Variants in PRKD1 observed in about 807,000 individuals in gnomAD.
The protein encoded by PRKD1 is protein kinase D1.
PRKD1 carries 63 observed loss-of-function variants against 95.9 expected under a neutral mutation model. The observed-to-expected ratio is 0.66, with a 90% CI of 0.54 to 0.81. The LOEUF (loss-of-function observed/expected upper bound fraction) is 0.81, where lower values mean the gene tolerates loss of function less well. Among genes scored for constraint, PRKD1 ranks in the 30% least tolerant of loss-of-function variants. The pLI is 0.00. For synonymous variants in PRKD1, 425 were observed against 423.1 expected (o/e 1.00, Z -0.05); for missense variants, 1,048 against 1,165.3 (o/e 0.90, Z 1.47).
At chr14:29,589,941 T>G (rs575245331) in intron 16 of PRKD1, among the ~76,000 whole-genome samples, 27 of 152,170 alleles carry the variant, frequency 1.8e-4, no homozygotes, top group Non-Finnish European at 2.6e-4. Context: ...AAATAATAAA[T>G]GCAGTATCTT....
At chr14:29,709,826 A>C (rs542500343) in intron 2 of PRKD1, among the ~76,000 whole-genome samples, 1 of 152,274 alleles carries the variant, frequency 6.6e-6, no homozygotes, top group African/African-American at 2.4e-5. Flanking sequence ...TCCATCTACC[A>C]ATATAAATAT....
intron 1 of PRKD1, among the ~76,000 whole-genome samples, chr14:29,799,852 T>C (rs572183136): frequency 6.6e-6 from 1 of 152,352 alleles, no homozygotes; most frequent in East Asian, 1.9e-4. Flanking sequence ...TTACACTGCC[T>C]TCTTGTTTCA....
rs184216223 is a variant in PRKD1, at chr14:29,757,627, T to C, written c.265-31953A>G. ...TGGACATAAAATTTAATTGGTTTTA[T>C]TATGGACAGAAAAATTAATTGGTTT... On this transcript the variant is annotated intron_variant, in intron 1 of 17. Coordinates refer to ENST00000331968, the MANE Select transcript of PRKD1 (RefSeq NM_002742.3). 1.3e-3 allele frequency among the ~76,000 whole-genome samples: 204 copies of C among 151,994 alleles called. 1 individual carries two copies. The highest frequency in any genetic ancestry group is 1.2e-3 in the Non-Finnish European group (81 of 67,948).
chr14:29,673,876 G>A (rs1883006384), intron 2 of PRKD1, among the ~76,000 whole-genome samples: 1 of 152,120 alleles, frequency 6.6e-6, no homozygotes, highest in Non-Finnish European at 1.5e-5. Flanking sequence ...AAAATGCATG[G>A]ACTGAGTGCC....
In PRKD1 at chr14:29,631,015, G is replaced by T; in HGVS notation, c.1399C>A (p.Pro467Thr). Residue 467 changes from proline to threonine, a missense_variant, in exon 10 of 18, where the codon CCT becomes ACT. Pro to Thr is a conservative substitution (Grantham distance 38). Coordinates refer to ENST00000331968, the MANE Select transcript of PRKD1 (RefSeq NM_002742.3). ...DTGSRYYKEI[P>T]LSEILSLEPV... ...TCCAGAGACAAAATTTCAGATAAAG[G>T]AATTTCCTGTGAAAGAAAAAAAGTA... The T allele has an allele frequency of 1.2e-6, 2 of 1,600,728 alleles. No individual in the cohort carries two copies. The highest frequency in any genetic ancestry group is 1.7e-6 in the Non-Finnish European group (2 of 1,172,224).
chr14:29,652,353 G>A (rs987531616), intron 4 of PRKD1, among the ~76,000 whole-genome samples: 4 of 152,092 alleles, frequency 2.6e-5, no homozygotes, highest in Non-Finnish European at 5.9e-5. Context: ...CCTCCCAGCA[G>A]GGTTCATGAA....
chr14:29,707,055 T>C (rs951761748), intron 2 of PRKD1, among the ~76,000 whole-genome samples: 14 of 152,188 alleles, frequency 9.2e-5, no homozygotes, highest in African/African-American at 3.4e-4. Flanking sequence ...CAGTTCCATA[T>C]GCCCATATAC....
chr14:29,700,338 G>A (rs1223709974), intron 2 of PRKD1, among the ~76,000 whole-genome samples: 1 of 152,104 alleles, frequency 6.6e-6, no homozygotes, highest in Non-Finnish European at 1.5e-5. Context: ...TTGAATAAGA[G>A]CTGAATGAAT....
At chr14:29,706,496 C>G (rs533086346) in intron 2 of PRKD1, among the ~76,000 whole-genome samples, 8 of 152,084 alleles carry the variant, frequency 5.3e-5, no homozygotes, top group Non-Finnish European at 1.2e-4. Context: ...TGATTATCAT[C>G]CATATCAAAT....
At chr14:29,680,989 A>G (rs1883509417) in intron 2 of PRKD1, among the ~76,000 whole-genome samples, 1 of 152,214 alleles carries the variant, frequency 6.6e-6, no homozygotes, top group South Asian at 2.1e-4. Context: ...AAACACTTCT[A>G]TATTTTTTAC....
In PRKD1 at chr14:29,634,426, C is replaced by T; in HGVS notation, c.1306G>A (p.Asp436Asn). 1 of 1,614,030 alleles carries T rather than the reference C, an allele frequency of 6.2e-7. No homozygotes were observed. The highest frequency in any genetic ancestry group is 8.5e-7 in the Non-Finnish European group (1 of 1,179,956). The change falls in exon 8 of 18, where the codon GAC (aspartate) becomes AAC (asparagine). Residue 436 changes from aspartate to asparagine, a missense_variant. Asp to Asn is a conservative substitution (Grantham distance 23, BLOSUM62 1). This residue lies in a region of PRKD1 where 739 missense variants were observed against 861.9 expected (regional missense o/e 0.86). Coordinates refer to ENST00000331968, the MANE Select transcript of PRKD1 (RefSeq NM_002742.3). ...EGWMVHYTSK[D>N]TLRKRHYWRL... ...TTCCCTGTGGATCTTACCAGCGTGTCCTTGCTGGTGTAGTGGACCATCCAT... is the reference window on the plus strand; with the variant it reads ...TTCCCTGTGGATCTTACCAGCGTGTTCTTGCTGGTGTAGTGGACCATCCAT...
At chr14:29,650,834 A>C (rs2224590) in intron 4 of PRKD1, among the ~76,000 whole-genome samples, 1 of 152,242 alleles carries the variant, frequency 6.6e-6, no homozygotes, top group Non-Finnish European at 1.5e-5. Flanking sequence ...AAGAAGAAAA[A>C]CAGAAACTTA....
At chr14:29,598,455 G>A (rs1054871864) in intron 15 of PRKD1, among the ~76,000 whole-genome samples, 1 of 152,078 alleles carries the variant, frequency 6.6e-6, no homozygotes, top group African/African-American at 2.4e-5. Flanking sequence ...GGGAAGTGAT[G>A]ACCTTCACTC....
rs975996152 is a variant in PRKD1, at chr14:29,604,034, T to C, written c.1906-4217A>G. Among the ~76,000 whole-genome samples the C allele has an allele frequency of 2.0e-5, 3 of 152,310 alleles. No homozygotes were observed. The East Asian group carries it at 5.8e-4, about 29-fold the overall frequency. On this transcript the variant is annotated intron_variant, in intron 13 of 17. Transcript: ENST00000331968. ...AAAAACTCTCCTGACCCAAGTTGCC[T>C]AGAAAATGTGTATATAATCAATGGA...
At chr14:29,653,354 A>T (rs545057411) in intron 4 of PRKD1, among the ~76,000 whole-genome samples, 25 of 152,296 alleles carry the variant, frequency 1.6e-4, no homozygotes, top group African/African-American at 5.8e-4. Context: ...TCCAAGAAAA[A>T]ATAAGTTCTC....
chr14:29,665,997 T>A (rs755164802), intron 3 of PRKD1, 80 bp downstream of exon 3: 5 of 1,418,866 alleles, frequency 3.5e-6, no homozygotes, highest in Admixed American at 2.1e-5. Flanking sequence ...CTTTTACGTA[T>A]CTTTGCAATT....
intron 1 of PRKD1, among the ~76,000 whole-genome samples, chr14:29,885,129 A>T (rs1376249940): frequency 6.6e-6 from 1 of 151,658 alleles, no homozygotes; most frequent in African/African-American, 2.4e-5. Flanking sequence ...TCTTTTAAAA[A>T]AAAAAAAAAA....
At chr14:29,906,850 GTC>G (rs778290286) in intron 1 of PRKD1, among the ~76,000 whole-genome samples, 14 of 152,178 alleles carry the variant, frequency 9.2e-5, no homozygotes, top group Non-Finnish European at 1.9e-4. Context: ...GATTGGGTGA[GTC>G]TGTTATTTTC....
At chr14:29,809,989 C>CTTAA (rs1465360907) in intron 1 of PRKD1, among the ~76,000 whole-genome samples, 1 of 152,096 alleles carries the variant, frequency 6.6e-6, no homozygotes, top group African/African-American at 2.4e-5. Flanking sequence ...TATTAATTGG[C>CTTAA]TTAATTTCAA....
Sources: allele counts gnomAD v4.1 joint callset (sites outside exome capture counted in the v4.1 genomes callset), GRCh38; gene constraint gnomAD v4.1.1; regional missense constraint gnomAD v4.1.1; transcripts MANE v1.5; gene names NCBI Gene and HGNC (gene_info 2026-07-23, HGNC 2026-07-21).